Variants in NOD1 observed in about 807,000 individuals in gnomAD.
The protein encoded by NOD1 is nucleotide-binding oligomerization domain-containing protein 1.
Under a neutral mutation model 81.2 loss-of-function variants are expected in NOD1, and 70 were observed. The ratio of observed to expected loss-of-function variants is 0.86; its 90% CI spans 0.71 to 1.05. NOD1 has a LOEUF of 1.05. Ranked by LOEUF, NOD1 falls within the 50% of genes least tolerant of loss-of-function variation. NOD1 has a pLI of 0.00. For synonymous variants in NOD1, 508 were observed against 526.9 expected (o/e 0.96, Z 0.49); for missense variants, 1,233 against 1,228.0 (o/e 1.00, Z -0.06).
Position 30,467,874 on chromosome 7 carries a change from G to A in NOD1, c.-351-7833C>T, listed in dbSNP as rs1434924213. Among the ~76,000 whole-genome samples, 2 of 152,000 alleles carry A rather than the reference G, an allele frequency of 1.3e-5. No individual in the cohort carries two copies. Among genetic ancestry groups the A allele is most frequent in the East Asian group, 1.9e-4 (1 of 5,184 alleles). ...CTGCCACCACACCCGGCTAATTTTT[G>A]TATTTTTAGTAGAGACGGGGTTTCA... On this transcript the variant is annotated intron_variant, in intron 1 of 13. Transcript: ENST00000222823. This position sits in a 1 kb window ranked among gnomAD's most constrained non-coding sequence, Gnocchi z 4.5.
intron 7 of NOD1, 40 bp from the exon 8 acceptor site, chr7:30,447,090 G>A: frequency 6.2e-7 from 1 of 1,613,228 alleles, no homozygotes; most frequent in Non-Finnish European, 8.5e-7. Context: ...TCTGGCTCCT[G>A]ATGTCATTTT....
chr7:30,445,958 G>A (rs931158041), intron 9 of NOD1, among the ~76,000 whole-genome samples, 183 bp downstream of exon 9: 8 of 151,878 alleles, frequency 5.3e-5, no homozygotes, highest in African/African-American at 1.2e-4. Flanking sequence ...GAGGGGGACC[G>A]GGGAGTTATT....
Position 30,451,631 on chromosome 7 carries a change from A to G in NOD1, c.1786T>C (p.Leu596=), listed in dbSNP as rs749769955. The G allele has an allele frequency of 9.9e-6, 16 of 1,613,832 alleles. No individual in the cohort carries two copies. The highest frequency in any genetic ancestry group is 1.3e-5 in the African/African-American group (1 of 74,936). The change falls in exon 6 of 14, where the codon TTG becomes CTG. Residue 596 remains leucine, a synonymous_variant. Transcript: ENST00000222823. The surrounding 1 kb of genome is among the most constrained non-coding windows in gnomAD (Gnocchi z 4.2). ...AGGAGTTTCTGTTTGGCTTTGGACAACAGCCCGCACAGGAAGAGGTTGGTG... is the reference window on the plus strand; with the variant it reads ...AGGAGTTTCTGTTTGGCTTTGGACAGCAGCCCGCACAGGAAGAGGTTGGTG... ...QFTNLFLCGL[L]SKAKQKLLRH...
Position 30,456,829 on chromosome 7 carries a change from G to A in NOD1, c.93C>T (p.Val31=), listed in dbSNP as rs895681101. 3 of 1,614,148 alleles carry A rather than the reference G, an allele frequency of 1.9e-6. No homozygotes were observed. The highest frequency in any genetic ancestry group is 2.5e-6 in the Non-Finnish European group (3 of 1,179,988). The change falls in exon 4 of 14, where the codon GTC becomes GTT. Residue 31 remains valine, a synonymous_variant. Coordinates refer to ENST00000222823, the MANE Select transcript of NOD1 (RefSeq NM_006092.4). ...GACACTGAGTATTGCGGATGTGAGT[G>A]ACCAGAAGTTCCCGATTGCTTTTCA... ...QLLKSNRELL[V]THIRNTQCLV...
At chr7:30,433,273 C>T (rs1784101220) in intron 11 of NOD1, 94 bp from the exon 12 acceptor site, 1 of 919,470 alleles carries the variant, frequency 1.1e-6, no homozygotes, top group African/African-American at 1.7e-5. Flanking sequence ...CCAAGGCTCT[C>T]CAGCTATGCA....
intron 9 of NOD1, 48 bp downstream of exon 9, chr7:30,446,093 C>G (rs919548407): frequency 5.1e-5 from 67 of 1,325,420 alleles, no homozygotes; most frequent in African/African-American, 4.0e-4. Context: ...GCCCGCCCCC[C>G]ACACACACAG....
chr7:30,468,818 A>T (rs1236776219), intron 1 of NOD1: 4 of 985,060 alleles, frequency 4.1e-6, no homozygotes, highest in Non-Finnish European at 4.8e-6. Flanking sequence ...TGGTGAATTT[A>T]ATCCACAGGC....
chr7:30,454,794 A>C (rs1180927976), intron 5 of NOD1, among the ~76,000 whole-genome samples: 1 of 152,150 alleles, frequency 6.6e-6, no homozygotes, highest in Non-Finnish European at 1.5e-5. Context: ...TACCATGTCC[A>C]GCTAAAGATT....
At chr7:30,456,632 C>T (rs905682734) in intron 4 of NOD1, 89 bp downstream of exon 4, 49 of 1,201,212 alleles carry the variant, frequency 4.1e-5, no homozygotes, top group Middle Eastern at 5.4e-4. Flanking sequence ...GACTAAACTC[C>T]CACGCTCTTC....
At chr7:30,476,300 A>T (rs937608879) in intron 1 of NOD1, among the ~76,000 whole-genome samples, 1 of 152,240 alleles carries the variant, frequency 6.6e-6, no homozygotes. Context: ...TGCCTATATT[A>T]CTTACTGTTT....
chr7:30,454,411 T>G (rs1325892279), intron 5 of NOD1, among the ~76,000 whole-genome samples: 1 of 152,222 alleles, frequency 6.6e-6, no homozygotes, highest in African/African-American at 2.4e-5. Context: ...CCAGCTGACT[T>G]GAAGCTCCCT....
Position 30,448,606 on chromosome 7 carries a change from G to A in NOD1, c.2202-225C>T, listed in dbSNP as rs528524681. Among the ~76,000 whole-genome samples the A allele has an allele frequency of 5.3e-5, 8 of 152,318 alleles. No individual in the cohort carries two copies. The East Asian group carries it at 1.4e-3, about 26-fold the overall frequency. On this transcript the variant is annotated intron_variant, in intron 6 of 13. Transcript: ENST00000222823. ...AGCCCATGAGCGAGGCTGCAGCACA[G>A]CCCCTGGCTCCTCACACGACCGTGA...
chr7:30,431,819 A>C (rs1783978642), intron 12 of NOD1, among the ~76,000 whole-genome samples: 1 of 152,216 alleles, frequency 6.6e-6, no homozygotes, highest in Non-Finnish European at 1.5e-5. Flanking sequence ...ATTAAAAACT[A>C]TTGGCCAGGT....
At chr7:30,462,212 T>C (rs560745407) in intron 1 of NOD1, among the ~76,000 whole-genome samples, 1 of 152,332 alleles carries the variant, frequency 6.6e-6, no homozygotes, top group Non-Finnish European at 1.5e-5. Flanking sequence ...TTTTGCAGCT[T>C]TGCATCCTTG....
At chr7:30,457,231 G>A (rs1167514470) in intron 3 of NOD1, among the ~76,000 whole-genome samples, 189 bp from the exon 4 acceptor site, 1 of 152,182 alleles carries the variant, frequency 6.6e-6, no homozygotes. Flanking sequence ...TAGATAGCTT[G>A]AAGTAAGGCC....
intron 2 of NOD1, among the ~76,000 whole-genome samples, chr7:30,459,582 A>C (rs1001081473): frequency 2.0e-5 from 3 of 152,254 alleles, no homozygotes; most frequent in Non-Finnish European, 4.4e-5. Context: ...CACAAAAATT[A>C]ATTCACCAGA....
chr7:30,428,852 A>G (rs191958863), intron 13 of NOD1, among the ~76,000 whole-genome samples: 7 of 152,302 alleles, frequency 4.6e-5, no homozygotes, highest in East Asian at 3.8e-4. Flanking sequence ...ATGGCGCTCA[A>G]TGTCACAGTA....
rs747395853 is a variant in NOD1 at position 30,451,369 on chromosome 7, G to T, written c.2048C>A (p.Thr683Asn). The change falls in exon 6 of 14, where the codon ACC becomes AAC. Residue 683 changes from threonine (T) to asparagine (N), a missense_variant. Physicochemically the swap from Thr to Asn is moderately conservative, Grantham distance 65. Transcript: ENST00000222823. The surrounding 1 kb of genome is among the most constrained non-coding windows in gnomAD (Gnocchi z 4.2). ...RGICANYLKLTYCNACSADCS... is the reference protein window; with the variant it reads ...RGICANYLKLNYCNACSADCS... ...GTCGGCCGAGCAGGCGTTGCAGTAG[G>T]TCAGCTTGAGGTAGTTGGCGCAGAT... The T allele has an allele frequency of 8.1e-6, 13 of 1,614,088 alleles. No homozygotes were observed. Among genetic ancestry groups the T allele is most frequent in the Admixed American group, 1.7e-5 (1 of 60,018 alleles).
intron 3 of NOD1, among the ~76,000 whole-genome samples, chr7:30,457,908 G>A (rs1188835733): frequency 6.6e-6 from 1 of 152,164 alleles, no homozygotes; most frequent in East Asian, 1.9e-4. Context: ...CTTCAGCAAA[G>A]TCTGTTATAC....
Sources: allele counts gnomAD v4.1 joint callset (sites outside exome capture counted in the v4.1 genomes callset), GRCh38; gene constraint gnomAD v4.1.1; non-coding constraint Gnocchi (gnomAD v3.1); transcripts MANE v1.5; gene names NCBI Gene and HGNC (gene_info 2026-07-23, HGNC 2026-07-21).